The following SND1 variants were observed in gnomAD, a reference collection of about 807,000 sequenced individuals.
The protein encoded by SND1 is staphylococcal nuclease domain-containing protein 1.
Under a neutral mutation model 121.7 loss-of-function variants are expected in SND1, and 38 were observed. The observed-to-expected ratio is 0.31, with a 90% CI of 0.24 to 0.41. SND1 has a LOEUF of 0.41. Ranked by LOEUF, SND1 falls within the 10% of genes least tolerant of loss-of-function variation. The pLI, the probability that SND1 is intolerant of heterozygous loss-of-function variation, is 1.00. For synonymous variants in SND1, 401 were observed against 447.4 expected (o/e 0.90, Z 1.31); for missense variants, 868 against 1,184.6 (o/e 0.73, Z 3.92).
Position 128,074,694 on chromosome 7 carries a change from C to T in SND1, c.1968+4C>T. 1.9e-6 allele frequency: 3 copies of T among 1,605,310 alleles called. No homozygotes were observed. The highest frequency in any genetic ancestry group is 2.2e-5 in the South Asian group (2 of 89,884). On this transcript the variant is annotated splice_donor_region_variant and intron_variant, in intron 17 of 23. Transcript: ENST00000354725. ...CGCAAAGCAGAAGAAAGAGAAGGTACATGTGGCAGCCCAGCTGTGCTCTCC... is the reference window on the plus strand; with the variant it reads ...CGCAAAGCAGAAGAAAGAGAAGGTATATGTGGCAGCCCAGCTGTGCTCTCC...
At chr7:127,681,947 T>C (rs1266643556) in intron 1 of SND1, among the ~76,000 whole-genome samples, 1 of 152,216 alleles carries the variant, frequency 6.6e-6, no homozygotes, top group African/African-American at 2.4e-5. Context: ...GTTAAACCAG[T>C]CCTCTTTGCA....
intron 13 of SND1, among the ~76,000 whole-genome samples, chr7:127,888,581 C>A (rs1166592130): frequency 6.6e-6 from 1 of 152,136 alleles, no homozygotes; most frequent in African/African-American, 2.4e-5. Flanking sequence ...GACATGCATG[C>A]TGCTCAGCAG....
chr7:127,817,636 C>G (rs376862289), intron 11 of SND1, among the ~76,000 whole-genome samples: 1 of 151,728 alleles, frequency 6.6e-6, no homozygotes, highest in Admixed American at 6.6e-5. Flanking sequence ...TGACTTCTGG[C>G]ATTGCTGTCC....
intron 2 of SND1, 140 bp downstream of exon 2, chr7:127,686,902 C>T: frequency 1.1e-6 from 1 of 920,422 alleles, no homozygotes; most frequent in Non-Finnish European, 1.6e-6. Flanking sequence ...TCTGGATGTG[C>T]CCACAAGCAG....
At chr7:127,991,227 G>A (rs1462702777) in intron 16 of SND1, among the ~76,000 whole-genome samples, 171 bp downstream of exon 16, 4 of 152,160 alleles carry the variant, frequency 2.6e-5, no homozygotes, top group Non-Finnish European at 5.9e-5. Context: ...TGCTTCATTG[G>A]CCAGCCACCC....
At position 128,076,593 on chromosome 7, in the gene SND1, G is replaced by A. The variant is rs540741358; in HGVS notation, c.1968+1903G>A. 3.7e-4 allele frequency among the ~76,000 whole-genome samples: 56 copies of A among 152,240 alleles called. No homozygotes were observed. The South Asian group carries it at 1.0e-2, about 27-fold the overall frequency. Reference sequence around the variant, plus strand: ...TAAGAGCATCTGGTGGCCGGCTGGGGGACAGTAACCTGAGTATCTGGGGTG... The same window carrying A: ...TAAGAGCATCTGGTGGCCGGCTGGGAGACAGTAACCTGAGTATCTGGGGTG... On this transcript the variant is annotated intron_variant, in intron 17 of 23. Transcript: ENST00000354725.
chr7:127,860,600 G>T (rs562482859), intron 12 of SND1, among the ~76,000 whole-genome samples: 52 of 152,272 alleles, frequency 3.4e-4, no homozygotes, highest in Non-Finnish European at 7.5e-4. Context: ...GACCTGTAAG[G>T]TTCCTTTTAA....
intron 1 of SND1, among the ~76,000 whole-genome samples, chr7:127,660,482 T>A (rs1356951590): frequency 6.6e-6 from 1 of 152,204 alleles, no homozygotes; most frequent in Admixed American, 6.5e-5. Context: ...TGTTTTCAGA[T>A]CTTTTTCAGT....
intron 11 of SND1, among the ~76,000 whole-genome samples, chr7:127,835,867 TC>T (rs1798857914): frequency 6.6e-6 from 1 of 152,194 alleles, no homozygotes; most frequent in Admixed American, 6.5e-5. Flanking sequence ...ATTATTTACT[TC>T]CGTATAGAAA....
intron 13 of SND1, among the ~76,000 whole-genome samples, chr7:127,894,303 A>G (rs183276535): frequency 2.0e-5 from 3 of 152,064 alleles, no homozygotes; most frequent in South Asian, 2.1e-4. Flanking sequence ...GGACTTAGCT[A>G]GAGGAGCTCT....
chr7:127,773,225 G>A (rs7797663), intron 10 of SND1, among the ~76,000 whole-genome samples: 50,261 of 152,078 alleles, frequency 0.33, 9,161 homozygotes, highest in Middle Eastern at 0.42. Context: ...AGGCCGAGGC[G>A]GGCGGATCAC....
intron 14 of SND1, among the ~76,000 whole-genome samples, chr7:127,923,176 A>T (rs561769356): frequency 6.6e-6 from 1 of 152,196 alleles, no homozygotes; most frequent in African/African-American, 2.4e-5. Flanking sequence ...TTTTGTAGAG[A>T]TGGGGTATTG....
At chr7:127,914,749 A>G (rs1310676366) in intron 14 of SND1, among the ~76,000 whole-genome samples, 1 of 152,188 alleles carries the variant, frequency 6.6e-6, no homozygotes, top group Non-Finnish European at 1.5e-5. Flanking sequence ...CATGTCTTCT[A>G]GAATATAGTG....
intron 16 of SND1, among the ~76,000 whole-genome samples, chr7:128,045,720 C>G (rs1317347486): frequency 1.3e-5 from 2 of 152,144 alleles, no homozygotes. Context: ...GTTGGTTTAA[C>G]TAAGATATGT....
rs534566203 is a variant in SND1, at chr7:127,970,864, C to A, written c.1670-20083C>A. Among the ~76,000 whole-genome samples the A allele has an allele frequency of 2.8e-3, 432 of 152,156 alleles. 2 individuals are homozygous for A. The highest frequency in any genetic ancestry group is 9.8e-3 in the African/African-American group (408 of 41,486). The stretch of plus-strand genomic sequence containing the variant: ...GTGGCTCATGCCTATAATCCCAGCA[C>A]TTTGGGAGGCCTGGGTGAGAGGATC... On this transcript the variant is annotated intron_variant, in intron 15 of 23. Transcript: ENST00000354725.
At chr7:127,673,851 A>C (rs806164) in intron 1 of SND1, among the ~76,000 whole-genome samples, 8,624 of 152,020 alleles carry the variant, frequency 0.057, 692 homozygotes, top group African/African-American at 0.18. Context: ...TTATGTCCCC[A>C]TTATTTGAGT....
chr7:127,803,286 G>A (rs1798169312), intron 10 of SND1, among the ~76,000 whole-genome samples: 2 of 151,986 alleles, frequency 1.3e-5, no homozygotes, highest in Non-Finnish European at 2.9e-5. Flanking sequence ...TTACAGCTGT[G>A]GCCCTGCACC....
intron 21 of SND1, among the ~76,000 whole-genome samples, chr7:128,087,653 A>G (rs910356069): frequency 6.6e-6 from 1 of 152,184 alleles, no homozygotes; most frequent in South Asian, 2.1e-4. Context: ...GCAGCCTTAC[A>G]GTTTTCAGTT....
intron 13 of SND1, 81 bp downstream of exon 13, chr7:127,888,093 A>T: frequency 1.2e-6 from 1 of 801,134 alleles, no homozygotes; most frequent in Non-Finnish European, 2.1e-6. Flanking sequence ...ATACCTGAGC[A>T]GAATGTGTTG....
Sources: gnomAD v4.1 joint callset for allele counts (sites outside exome capture counted in the v4.1 genomes callset) on GRCh38, gnomAD v4.1.1 for gene constraint, MANE v1.5 for transcripts, NCBI Gene and HGNC (gene_info 2026-07-23, HGNC 2026-07-21) for gene names.